TMTC4: variants seen among roughly 807,000 people sequenced by gnomAD.
TMTC4 encodes the protein protein O-mannosyl-transferase TMTC4.
In TMTC4, 65 loss-of-function variants were observed where a neutral mutation model predicts 86.0. The ratio of observed to expected loss-of-function variants is 0.76; its 90% CI spans 0.62 to 0.93. The LOEUF (loss-of-function observed/expected upper bound fraction) is 0.93. Among genes scored for constraint, TMTC4 ranks in the 40% least tolerant of loss-of-function variants. The pLI is 0.00. For missense variants in TMTC4, 866 were observed against 948.1 expected (o/e 0.91, Z 1.14); for synonymous variants, 379 against 382.5 (o/e 0.99, Z 0.11).
chr13:100,608,443 C>T (rs1871119394), intron 17 of TMTC4, among the ~76,000 whole-genome samples: 1 of 152,104 alleles, frequency 6.6e-6, no homozygotes, highest in Admixed American at 6.5e-5. Flanking sequence ...GATTTCCAAG[C>T]CAGGGCAACA....
intron 5 of TMTC4, among the ~76,000 whole-genome samples, chr13:100,659,043 AT>A (rs200010130): frequency 1.3e-5 from 2 of 151,966 alleles, no homozygotes; most frequent in African/African-American, 4.8e-5. Context: ...TACAAAGGCT[AT>A]TTTTTTTCTC....
chr13:100,633,771 G>A (rs9518117), intron 12 of TMTC4, among the ~76,000 whole-genome samples: 28,023 of 152,200 alleles, frequency 0.18, 2,875 homozygotes, highest in Admixed American at 0.24. Flanking sequence ...CCTGTGTAGC[G>A]TGTGACTGTA....
intron 12 of TMTC4, among the ~76,000 whole-genome samples, chr13:100,633,840 AAG>A (rs1201612178): frequency 6.6e-6 from 1 of 151,374 alleles, no homozygotes; most frequent in African/African-American, 2.4e-5. Context: ...AAACATAGAA[AAG>A]AGGCAGTAAA....
chr13:100,656,453 C>G lies in TMTC4; in HGVS notation c.568G>C (p.Gly190Arg). 1.9e-6 allele frequency: 3 copies of G among 1,607,130 alleles called. No homozygotes were observed. Among genetic ancestry groups the G allele is most frequent in the Non-Finnish European group, 1.7e-6 (2 of 1,176,722 alleles). ...VHTECVAGVV[G>R]RADLLCALFF... ...AGGGCACACAGGAGGTCTGCACGGC[C>G]GACAACACCAGCAACCTTAAAAAAG... Residue 190 changes from glycine to arginine, a missense_variant, in exon 6 of 19, where the codon GGC becomes CGC. By Grantham distance (125) the Gly-to-Arg change is moderately radical. Transcript: ENST00000342624.
chr13:100,672,765 T>C (rs1219487823), intron 1 of TMTC4, among the ~76,000 whole-genome samples: 1 of 152,172 alleles, frequency 6.6e-6, no homozygotes, highest in Non-Finnish European at 1.5e-5. Flanking sequence ...GCATGGGGAT[T>C]ACAGGTGTGA....
intron 6 of TMTC4, among the ~76,000 whole-genome samples, chr13:100,645,809 C>A (rs993073100): frequency 6.6e-6 from 1 of 152,190 alleles, no homozygotes; most frequent in African/African-American, 2.4e-5. Flanking sequence ...CCTCGGCACT[C>A]ATCACATGTG....
intron 5 of TMTC4, among the ~76,000 whole-genome samples, chr13:100,659,457 T>C (rs1765734): frequency 0.71 from 107,389 of 151,914 alleles, 39,042 homozygotes; most frequent in East Asian, 0.96. Context: ...TAAGGGGGCC[T>C]GAGCTTCTCT....
At chr13:100,645,122 T>C (rs138684532) in intron 6 of TMTC4, among the ~76,000 whole-genome samples, 15 of 152,334 alleles carry the variant, frequency 9.8e-5, no homozygotes, top group South Asian at 2.1e-4. Context: ...TGAACATTCT[T>C]GTTTTATGCC....
At chr13:100,626,253 A>C in intron 12 of TMTC4, 103 bp from the exon 13 acceptor site, 1 of 1,204,876 alleles carries the variant, frequency 8.3e-7, no homozygotes. Context: ...AGCGACGAGG[A>C]AAAAAAATCA....
At position 100,637,952 on chromosome 13, in the gene TMTC4, A is replaced by G. The variant is rs767188973; in HGVS notation, c.812T>C (p.Leu271Pro). 9 of 1,613,876 alleles carry G rather than the reference A, an allele frequency of 5.6e-6. No homozygotes were observed. The highest frequency in any genetic ancestry group is 6.8e-6 in the Non-Finnish European group (8 of 1,179,826). ...FNVLEIVQKVLHKDKSLENLG... is the reference protein window; with the variant it reads ...FNVLEIVQKVPHKDKSLENLG... ...CACCTCTAATGACTTGTCCTTATGT[A>G]GTACCTTCTGGACAATTTCCAGAAC... Residue 271 changes from leucine to proline, a missense_variant, in exon 8 of 19, where the codon CTA becomes CCA. By Grantham distance (98) the Leu-to-Pro change is moderately conservative. Coordinates refer to ENST00000342624, the MANE Select transcript of TMTC4 (RefSeq NM_032813.5).
chr13:100,639,871 T>C (rs1280627884), intron 7 of TMTC4, among the ~76,000 whole-genome samples: 2 of 151,510 alleles, frequency 1.3e-5, no homozygotes, highest in Non-Finnish European at 2.9e-5. Context: ...ACCTGGGAGG[T>C]GGAGGTCGTA....
intron 12 of TMTC4, among the ~76,000 whole-genome samples, chr13:100,633,316 A>G (rs1345243094): frequency 1.5e-3 from 19 of 12,634 alleles, no homozygotes; most frequent in Middle Eastern, 0.2. Context: ...CTCAGGGAAA[A>G]AAAAAAAAAA....
At chr13:100,664,088 T>C in intron 4 of TMTC4, 133 bp downstream of exon 4, 1 of 616,814 alleles carries the variant, frequency 1.6e-6, no homozygotes, top group Non-Finnish European at 2.7e-6. Context: ...CCCATGTATA[T>C]GAGCAGCTCA....
At chr13:100,632,767 C>T (rs7998737) in intron 12 of TMTC4, among the ~76,000 whole-genome samples, 28,004 of 152,076 alleles carry the variant, frequency 0.18, 2,874 homozygotes, top group Admixed American at 0.24. Flanking sequence ...TCTGAAATCA[C>T]TGCTTTCCCT....
chr13:100,607,698 T>C (rs9513770), intron 17 of TMTC4, among the ~76,000 whole-genome samples: 30,316 of 152,030 alleles, frequency 0.2, 3,706 homozygotes, highest in Non-Finnish European at 0.26. Context: ...CTGTATGGCC[T>C]GTGGTACCCC....
intron 11 of TMTC4, 33 bp downstream of exon 11, chr13:100,634,991 T>C (rs367938748): frequency 1.2e-6 from 2 of 1,609,330 alleles, no homozygotes; most frequent in African/African-American, 1.3e-5. Flanking sequence ...CCGGTCATTC[T>C]GTTCATCAGC....
At chr13:100,619,486 C>T (rs1368572780) in intron 15 of TMTC4, among the ~76,000 whole-genome samples, 2 of 152,142 alleles carry the variant, frequency 1.3e-5, no homozygotes, top group Non-Finnish European at 2.9e-5. Context: ...CAAATGATTA[C>T]AATTTATCAG....
intron 6 of TMTC4, 51 bp downstream of exon 6, chr13:100,656,330 G>A (rs375910346): frequency 1.3e-6 from 2 of 1,533,040 alleles, no homozygotes; most frequent in African/African-American, 1.4e-5. Flanking sequence ...TGCTCAACAG[G>A]ACAAAAACAT....
chr13:100,641,992 C>T (rs1476715685), intron 7 of TMTC4, among the ~76,000 whole-genome samples: 1 of 152,190 alleles, frequency 6.6e-6, no homozygotes, highest in Non-Finnish European at 1.5e-5. Flanking sequence ...CATTTCTCCC[C>T]AGTTGCACAT....
Sources: gnomAD v4.1 joint callset for allele counts (sites outside exome capture counted in the v4.1 genomes callset) on GRCh38, gnomAD v4.1.1 for gene constraint, MANE v1.5 for transcripts, NCBI Gene and HGNC (gene_info 2026-07-23, HGNC 2026-07-21) for gene names.